RNF123: variants seen among roughly 807,000 people sequenced by gnomAD.
RNF123 encodes ring finger protein 123, also known as E3 ubiquitin-protein ligase RNF123.
In RNF123, 86 loss-of-function variants were observed where a neutral mutation model predicts 168.5. The ratio of observed to expected loss-of-function variants is 0.51; its 90% confidence interval spans 0.43 to 0.61. RNF123 has a LOEUF of 0.61. RNF123 is among the 20% of genes least tolerant of loss of function. The pLI, the probability that RNF123 is intolerant of heterozygous loss-of-function variation, is 0.00. For synonymous variants in RNF123, 666 were observed against 689.1 expected (o/e 0.97, Z 0.52); for missense variants, 1,419 against 1,729.7 (o/e 0.82, Z 3.19).
chr3:49,693,853 G>A (rs2054216826), intron 3 of RNF123, among the ~76,000 whole-genome samples: 1 of 152,200 alleles, frequency 6.6e-6, no homozygotes, highest in African/African-American at 2.4e-5. Context: ...CTGATGACCA[G>A]TGACGTTGAA....
In RNF123 at chr3:49,701,828, G is replaced by A. The variant is rs1361505957; in HGVS notation, c.1413G>A (p.Glu471=). 3 of 1,572,992 alleles carry A rather than the reference G, an allele frequency of 1.9e-6. No homozygotes were observed. The highest frequency in any genetic ancestry group is 2.6e-6 in the Non-Finnish European group (3 of 1,159,480). ...CSSREGKEST[E]MKEETAEERL... ...CTGCCTAGGGCAAAGAGAGCACGGAGATGAAGGAGGAGACCGCAGAGGAGC... is the reference window on the plus strand; with the variant it reads ...CTGCCTAGGGCAAAGAGAGCACGGAAATGAAGGAGGAGACCGCAGAGGAGC... The change falls in exon 17 of 39, where the codon GAG becomes GAA. Residue 471 remains glutamate, a synonymous_variant. Transcript: ENST00000327697.
chr3:49,720,426 A>T (rs2080375886), intron 35 of RNF123, 85 bp from the exon 36 acceptor site: 2 of 1,388,366 alleles, frequency 1.4e-6, no homozygotes, highest in South Asian at 3.1e-5. Context: ...TGTACGAGCC[A>T]TGGCACTCCT....
intron 7 of RNF123, 80 bp downstream of exon 7, chr3:49,698,217 C>T (rs1244591165): frequency 2.3e-6 from 3 of 1,318,566 alleles, no homozygotes; most frequent in African/African-American, 1.5e-5. Context: ...CTCCAGATCC[C>T]CTCAGAACTG....
intron 35 of RNF123, chr3:49,718,876 TGTCCCAGCCG>T: frequency 1.2e-6 from 2 of 1,613,504 alleles, no homozygotes; most frequent in Non-Finnish European, 1.7e-6. Flanking sequence ...TACGGAGATG[TGTCCCAGCCG>T]GTTGGAGGAG....
chr3:49,690,443 A>G, intron 1 of RNF123, among the ~76,000 whole-genome samples: 1 of 152,264 alleles, frequency 6.6e-6, no homozygotes, highest in Non-Finnish European at 1.5e-5. Context: ...CCAGGGACTC[A>G]GTGCAGGTTC....
At chr3:49,720,353 C>T (rs2080372208) in intron 35 of RNF123, 158 bp from the exon 36 acceptor site, 12 of 589,658 alleles carry the variant, frequency 2.0e-5, no homozygotes, top group Middle Eastern at 4.2e-4. Context: ...TGGCACCTTA[C>T]TAGAATACAG....
chr3:49,698,353 C>G (rs1575522506), intron 7 of RNF123, 87 bp from the exon 8 acceptor site: 1 of 1,124,430 alleles, frequency 8.9e-7, no homozygotes, highest in Middle Eastern at 2.6e-4. Flanking sequence ...TTCTGTAGAG[C>G]CATATGCATC....
intron 34 of RNF123, 67 bp downstream of exon 34, chr3:49,716,244 G>A: frequency 1.9e-6 from 3 of 1,582,864 alleles, no homozygotes; most frequent in Non-Finnish European, 2.6e-6. Context: ...GGAACAGTGA[G>A]GCCTGATTCC....
chr3:49,720,850 G>A lies in RNF123; in HGVS notation c.3694G>A (p.Ala1232Thr). Residue 1232 changes from alanine (A) to threonine (T), a missense_variant, in exon 37 of 39, where the codon GCG (alanine) becomes ACG (threonine). Coordinates refer to ENST00000327697, the MANE Select transcript of RNF123 (RefSeq NM_022064.5). Reference sequence around the variant, plus strand: ...GCTGGCCCAAGTGGAACAGATGCTGGCGCACCTGACCTCTGCATCTGCCCA... The same window carrying A: ...GCTGGCCCAAGTGGAACAGATGCTGACGCACCTGACCTCTGCATCTGCCCA... ...DELAQVEQML[A>T]HLTSASAQAA... 1.2e-6 allele frequency: 2 copies of A among 1,614,176 alleles called. No individual in the cohort carries two copies. Among genetic ancestry groups the A allele is most frequent in the Non-Finnish European group, 1.7e-6 (2 of 1,180,020 alleles).
At chr3:49,692,243 G>C (rs1029305784) in intron 3 of RNF123, among the ~76,000 whole-genome samples, 1 of 152,112 alleles carries the variant, frequency 6.6e-6, no homozygotes, top group Admixed American at 6.5e-5. Context: ...GCAAGACCCT[G>C]TCTCTAAAAA....
chr3:49,699,811 A>G lies in RNF123; in HGVS notation c.984+39A>G. Reference sequence around the variant, plus strand: ...GGAGGGGCATGGGAGGGGAGGAGACAGGCCATGCTAGACACGCCCGTGGTA... The same window carrying G: ...GGAGGGGCATGGGAGGGGAGGAGACGGGCCATGCTAGACACGCCCGTGGTA... On this transcript the variant is annotated intron_variant, in intron 12 of 38. Transcript: ENST00000327697. The surrounding 1 kb of genome is among the most constrained non-coding windows in gnomAD (Gnocchi z 4.8). 2 of 1,582,742 alleles carry G rather than the reference A, an allele frequency of 1.3e-6. No individual in the cohort carries two copies. The highest frequency in any genetic ancestry group is 1.7e-6 in the Non-Finnish European group (2 of 1,153,936).
In RNF123 at chr3:49,720,673, AGGTCAGGGAAATCTGGGGCTGGGTCG is replaced by A; in HGVS notation, c.3643+28_3643+53del. 1 of 1,594,874 alleles carries A rather than the reference AGGTCAGGGAAATCTGGGGCTGGGTCG, an allele frequency of 6.3e-7. No homozygotes were observed. On this transcript the variant is annotated intron_variant, in intron 36 of 38. Coordinates refer to ENST00000327697, the MANE Select transcript of RNF123 (RefSeq NM_022064.5). ...AGAGCTGTGAGTGGGCTGGTGGGGC[AGGTCAGGGAAATCTGGGGCTGGGTCG>A]GGTCAGGAGCCTTAAGAACAGCAAA...
At position 49,718,931 on chromosome 3, in the gene RNF123, C is replaced by G. The variant is rs373111160; in HGVS notation, c.3501-1580C>G. On this transcript the variant is annotated intron_variant, in intron 35 of 38. Coordinates refer to ENST00000327697, the MANE Select transcript of RNF123 (RefSeq NM_022064.5). ...GTAAGCAGGTGGGTGGCGCTCAGAC[C>G]GTGCAGGTGGTCGAAGGAGAACGAG... is the stretch of plus-strand genomic sequence containing the variant. 8.7e-6 allele frequency: 14 copies of G among 1,613,574 alleles called. No homozygotes were observed. Among genetic ancestry groups the G allele is most frequent in the Middle Eastern group, 1.6e-4 (1 of 6,084 alleles).
At position 49,720,910 on chromosome 3, in the gene RNF123, G is replaced by A; in HGVS notation, c.3738+16G>A. ...TGCCTCCCTGGTGAGTGGGAACACG[G>A]TGCACAGGTCCATGCCACTTGAATA... On this transcript the variant is annotated intron_variant, in intron 37 of 38. Coordinates refer to ENST00000327697, the MANE Select transcript of RNF123 (RefSeq NM_022064.5). 6.2e-7 allele frequency: 1 copy of A among 1,613,720 alleles called. No homozygotes were observed.
intron 3 of RNF123, among the ~76,000 whole-genome samples, chr3:49,693,821 C>A (rs1257084543): frequency 6.6e-6 from 1 of 152,112 alleles, no homozygotes; most frequent in Admixed American, 6.6e-5. Context: ...GATGATATCT[C>A]GTAGTTTTGA....
intron 35 of RNF123, chr3:49,719,325 G>A (rs139489151): frequency 6.3e-5 from 102 of 1,613,182 alleles, no homozygotes; most frequent in Non-Finnish European, 7.9e-5. Flanking sequence ...CTAGGCCAGT[G>A]CAGCTTAGCA....
At chr3:49,713,302 G>T (rs1003957224) in intron 27 of RNF123, 4 of 601,478 alleles carry the variant, frequency 6.7e-6, no homozygotes, top group African/African-American at 5.6e-5. Flanking sequence ...TCCTGCCAGG[G>T]CCTGTCATCC....
At chr3:49,691,603 A>G in intron 3 of RNF123, 94 bp downstream of exon 3, 2 of 947,880 alleles carry the variant, frequency 2.1e-6, no homozygotes, top group Non-Finnish European at 3.4e-6. Flanking sequence ...GGCTCTGGAC[A>G]GATAGGCTTA....
chr3:49,716,040 C>A (rs750533323), intron 33 of RNF123, 30 bp downstream of exon 33: 20 of 1,613,546 alleles, frequency 1.2e-5, no homozygotes, highest in Admixed American at 1.7e-5. Flanking sequence ...AAGGGTGGGA[C>A]CCTGGGGATG....
Sources: allele counts gnomAD v4.1 joint callset (sites outside exome capture counted in the v4.1 genomes callset), GRCh38; gene constraint gnomAD v4.1.1; non-coding constraint Gnocchi (gnomAD v3.1); transcripts MANE v1.5; gene names NCBI Gene and HGNC (gene_info 2026-07-23, HGNC 2026-07-21).